Variants in TTC29 observed in about 807,000 individuals in gnomAD.
TTC29 encodes the protein tetratricopeptide repeat protein 29.
In TTC29, 49 loss-of-function variants were observed where a neutral mutation model predicts 58.1. The observed-to-expected ratio is 0.84, with a 90% CI of 0.67 to 1.07. The LOEUF (loss-of-function observed/expected upper bound fraction) is 1.07, where lower values mean the gene tolerates loss of function less well. TTC29 is among the 50% of genes least tolerant of loss of function. TTC29 has a pLI of 0.00. For synonymous variants in TTC29, 209 were observed against 196.8 expected (o/e 1.06, Z -0.52); for missense variants, 582 against 555.6 (o/e 1.05, Z -0.48).
chr4:146,861,006 G>A (rs1730197874), intron 8 of TTC29, among the ~76,000 whole-genome samples: 1 of 152,082 alleles, frequency 6.6e-6, no homozygotes, highest in African/African-American at 2.4e-5. Flanking sequence ...TCAATCTGTT[G>A]AATTTTGTTT....
At chr4:146,939,497 C>T (rs955069965) in intron 3 of TTC29, among the ~76,000 whole-genome samples, 4 of 152,144 alleles carry the variant, frequency 2.6e-5, no homozygotes, top group African/African-American at 4.8e-5. Context: ...AAAGCTTCTG[C>T]TTTCTGTTCT....
chr4:146,736,801 A>C (rs867115373), intron 11 of TTC29, among the ~76,000 whole-genome samples: 1 of 152,224 alleles, frequency 6.6e-6, no homozygotes, highest in Non-Finnish European at 1.5e-5. Context: ...GAAGTGTTCC[A>C]TAATAAAATG....
At chr4:146,918,949 A>G (rs1171013605) in intron 4 of TTC29, among the ~76,000 whole-genome samples, 1 of 151,224 alleles carries the variant, frequency 6.6e-6, no homozygotes, top group East Asian at 1.9e-4. Flanking sequence ...GATCTCACAA[A>G]AAGTAACTGC....
At chr4:146,891,097 A>C (rs1414147996) in intron 6 of TTC29, among the ~76,000 whole-genome samples, 1 of 152,168 alleles carries the variant, frequency 6.6e-6, no homozygotes, top group Non-Finnish European at 1.5e-5. Flanking sequence ...TTTATTAGTC[A>C]AACTTCCAGG....
rs377684073 is a variant in TTC29, at chr4:146,737,598, G to GC, written c.1331-30048_1331-30047insG. 4.5e-4 allele frequency among the ~76,000 whole-genome samples: 67 copies of GC among 150,086 alleles called. 1 individual carries two copies. Among genetic ancestry groups the GC allele is most frequent in the Admixed American group, 1.0e-3 (15 of 15,010 alleles). ...GCTGATGCTAGTAGCCCTGGGGGGG[G>GC]GGGGGCTACAAACGGGTCTTGACAG... On this transcript the variant is annotated intron_variant, in intron 11 of 12. Transcript: ENST00000325106.
chr4:146,796,020 G>A (rs971975780), intron 11 of TTC29, among the ~76,000 whole-genome samples: 1 of 152,072 alleles, frequency 6.6e-6, no homozygotes, highest in Non-Finnish European at 1.5e-5. Flanking sequence ...GTTTTGCTAT[G>A]GTTTAACTGA....
At chr4:146,877,184 A>C (rs956191492) in intron 6 of TTC29, among the ~76,000 whole-genome samples, 2 of 152,150 alleles carry the variant, frequency 1.3e-5, no homozygotes, top group Non-Finnish European at 2.9e-5. Context: ...GAAACATAAA[A>C]AAACATTTAG....
At chr4:146,848,624 C>CTTTA (rs1729325458) in intron 8 of TTC29, among the ~76,000 whole-genome samples, 1 of 152,092 alleles carries the variant, frequency 6.6e-6, no homozygotes, top group Non-Finnish European at 1.5e-5. Flanking sequence ...TTATAGTAAG[C>CTTTA]TTTAGGTTTT....
At chr4:146,806,918 A>T (rs1388484300) in intron 10 of TTC29, among the ~76,000 whole-genome samples, 1 of 152,224 alleles carries the variant, frequency 6.6e-6, no homozygotes, top group Non-Finnish European at 1.5e-5. Flanking sequence ...TCTCCACCCC[A>T]AATCAACAGA....
chr4:146,789,146 T>C (rs1220622187), intron 11 of TTC29, among the ~76,000 whole-genome samples: 1 of 152,208 alleles, frequency 6.6e-6, no homozygotes, highest in Admixed American at 6.5e-5. Context: ...CGTACATATT[T>C]AATGTATACA....
chr4:146,839,269 TTATA>T (rs2150166264), intron 8 of TTC29, among the ~76,000 whole-genome samples: 1 of 152,088 alleles, frequency 6.6e-6, no homozygotes, highest in African/African-American at 2.4e-5. Flanking sequence ...TAGATAATAA[TTATA>T]TATTTCAAAA....
intron 6 of TTC29, among the ~76,000 whole-genome samples, chr4:146,889,105 G>C (rs1410349447): frequency 6.6e-6 from 1 of 152,040 alleles, no homozygotes; most frequent in Non-Finnish European, 1.5e-5. Flanking sequence ...GTATGAATTT[G>C]CAGGTTTCTA....
chr4:146,818,651 A>C (rs879410036), intron 10 of TTC29, among the ~76,000 whole-genome samples: 30 of 152,248 alleles, frequency 2.0e-4, no homozygotes, highest in African/African-American at 4.8e-4. Flanking sequence ...TTATTGCAGC[A>C]GTATTCACAA....
At chr4:146,713,635 T>A (rs1486826885) in intron 11 of TTC29, among the ~76,000 whole-genome samples, 4 of 152,160 alleles carry the variant, frequency 2.6e-5, no homozygotes, top group African/African-American at 9.6e-5. Flanking sequence ...TGTTCTTTCA[T>A]ATTACAGGAT....
intron 11 of TTC29, among the ~76,000 whole-genome samples, chr4:146,710,915 CCTT>C (rs1344283963): frequency 1.3e-5 from 2 of 151,956 alleles, no homozygotes; most frequent in African/African-American, 4.8e-5. Context: ...CCATCGCATC[CCTT>C]TTTTGAAAAC....
intron 11 of TTC29, among the ~76,000 whole-genome samples, chr4:146,757,592 AAACCT>A (rs1257635230): frequency 2.0e-5 from 3 of 152,216 alleles, no homozygotes; most frequent in African/African-American, 7.2e-5. Flanking sequence ...CTATAAAGGA[AAACCT>A]ATCAGATTAA....
At chr4:146,779,373 C>T (rs957354101) in intron 11 of TTC29, among the ~76,000 whole-genome samples, 2 of 151,962 alleles carry the variant, frequency 1.3e-5, no homozygotes, top group Non-Finnish European at 2.9e-5. Flanking sequence ...CTAGGTATAG[C>T]ATAAGTGCAT....
intron 11 of TTC29, among the ~76,000 whole-genome samples, chr4:146,783,257 C>T (rs1408134722): frequency 6.6e-6 from 1 of 151,924 alleles, no homozygotes; most frequent in Non-Finnish European, 1.5e-5. Context: ...CTCTCCACAA[C>T]CCCCAACAGT....
intron 11 of TTC29, among the ~76,000 whole-genome samples, chr4:146,773,983 T>C (rs1747909774): frequency 6.6e-6 from 1 of 152,146 alleles, no homozygotes; most frequent in Non-Finnish European, 1.5e-5. Context: ...AAGCTGTATG[T>C]TTCCAGGAAT....
Sources: allele counts gnomAD v4.1 joint callset (sites outside exome capture counted in the v4.1 genomes callset), GRCh38; gene constraint gnomAD v4.1.1; transcripts MANE v1.5; gene names NCBI Gene and HGNC (gene_info 2026-07-23, HGNC 2026-07-21).